SLC35F4: variants seen among roughly 807,000 people sequenced by gnomAD.
The protein encoded by SLC35F4 is chromosome 14 open reading frame 36.
Under a neutral mutation model 44.2 loss-of-function variants are expected in SLC35F4, and 24 were observed. The ratio of observed to expected loss-of-function variants is 0.54; its 90% confidence interval spans 0.39 to 0.76. SLC35F4 has a LOEUF of 0.76. Ranked by LOEUF, SLC35F4 falls within the 30% of genes least tolerant of loss-of-function variation. SLC35F4 has a pLI of 0.00. For synonymous variants in SLC35F4, 238 were observed against 223.6 expected, an observed-to-expected ratio of 1.06 and a Z score of -0.57; for missense variants, 562 against 586.1, an observed-to-expected ratio of 0.96 and a Z score of 0.42.
At chr14:57,566,453 A>G (rs748071888) in intron 7 of SLC35F4, 22 bp downstream of exon 7, 8 of 1,571,890 alleles carry the variant, frequency 5.1e-6, no homozygotes, top group Non-Finnish European at 6.9e-6. Flanking sequence ...CAGGATCTGC[A>G]CATGTCACAT....
upstream of SLC35F4, among the ~76,000 whole-genome samples, chr14:57,867,602 A>ACCT (rs1555398939): frequency 6.8e-6 from 1 of 147,996 alleles, no homozygotes; most frequent in Non-Finnish European, 1.5e-5. Flanking sequence ...ATGCCTTTAC[A>ACCT]CCCCCCCCCA....
intron 1 of SLC35F4, among the ~76,000 whole-genome samples, chr14:57,803,582 C>CTTTTTTTTT (rs532690276): frequency 2.5e-5 from 2 of 79,458 alleles, no homozygotes; most frequent in Non-Finnish European, 2.3e-5. Flanking sequence ...AAAGCTTCTT[C>CTTTTTTTTT]TTTTTTTTTT....
At chr14:57,932,837 G>C (rs77440602) in intron 1 of SLC35F4, among the ~76,000 whole-genome samples, 11,944 of 152,050 alleles carry the variant, frequency 0.079, 609 homozygotes, top group Non-Finnish European at 0.12. Flanking sequence ...ATTTAGTCAA[G>C]CTATCTATAG....
chr14:57,722,233 T>TA (rs1188713854), intron 1 of SLC35F4, among the ~76,000 whole-genome samples: 9 of 152,264 alleles, frequency 5.9e-5, no homozygotes, highest in East Asian at 1.9e-4. Context: ...CTCAGGGAGT[T>TA]AAAAAAAGCT....
At chr14:57,774,445 T>C (rs1410576915) in intron 1 of SLC35F4, among the ~76,000 whole-genome samples, 1 of 152,152 alleles carries the variant, frequency 6.6e-6, no homozygotes. Flanking sequence ...CCAGAGGGCT[T>C]AGTGTGAGAG....
rs78341497 is a variant in SLC35F4 at position 57,651,725 on chromosome 14, T to C, written c.104-57601A>G. ...AAATGTCTCTGTGAGTGAGTGTGTG[T>C]GTGTGAGCTGAGAGCTCTGTTTACC... On this transcript the variant is annotated intron_variant, in intron 1 of 7. Transcript: ENST00000556826. Among the ~76,000 whole-genome samples the C allele has an allele frequency of 5.9e-3, 904 of 152,194 alleles. 11 individuals carry two copies. The highest frequency in any genetic ancestry group is 0.021 in the African/African-American group (855 of 41,524).
chr14:57,593,942 ATCTGT>A lies in SLC35F4; in HGVS notation c.281_285del (p.Asn94IlefsTer11). ...TAAGAGGAGGTCACCCACATACCTGATCTGTTCTGTCTCTCAACTCTGTGTCCACA... is the reference window on the plus strand; with the variant it reads ...TAAGAGGAGGTCACCCACATACCTGATCTGTCTCTCAACTCTGTGTCCACA... On this transcript the variant is annotated frameshift_variant, in exon 2 of 8. Transcript: ENST00000556826. LOFTEE classifies it high-confidence loss of function. 1 of 1,613,724 alleles carries A rather than the reference ATCTGT, an allele frequency of 6.2e-7. No homozygotes were observed. Among genetic ancestry groups the A allele is most frequent in the Non-Finnish European group, 8.5e-7 (1 of 1,179,810 alleles).
intron 1 of SLC35F4, among the ~76,000 whole-genome samples, chr14:57,718,742 A>G (rs1220326475): frequency 6.6e-6 from 1 of 152,022 alleles, no homozygotes; most frequent in African/African-American, 2.4e-5. Context: ...TCTTGTTGTT[A>G]ATCCCTAGTC....
At chr14:57,789,359 C>A (rs2077852382) in intron 1 of SLC35F4, among the ~76,000 whole-genome samples, 1 of 151,958 alleles carries the variant, frequency 6.6e-6, no homozygotes, top group Non-Finnish European at 1.5e-5. Flanking sequence ...CAGAGAATAC[C>A]ATAAACACTT....
intron 1 of SLC35F4, among the ~76,000 whole-genome samples, chr14:57,962,230 G>A (rs1457260925): frequency 6.6e-6 from 1 of 152,138 alleles, no homozygotes; most frequent in East Asian, 1.9e-4. Context: ...ACTATACAGT[G>A]AGAAGAAAAG....
At position 57,926,693 on chromosome 14, in the gene SLC35F4, T is replaced by C. The variant is rs962744085; in HGVS notation, n.282+55220A>G. Among the ~76,000 whole-genome samples, 5 of 140,624 alleles carry C rather than the reference T, an allele frequency of 3.6e-5. No individual in the cohort carries two copies. In the Admixed American group the frequency reaches 3.6e-4, roughly 10 times the overall value. The allele number at this position is 140,624 out of a possible 152,430, so 92.3% of individuals were successfully genotyped here. A position where few individuals can be genotyped will look rare whatever the true frequency, so the allele number is the denominator to read the frequency against. ...GGGGAAGATATCTTTACCATTCCTT[T>C]TATAAAAAGGAATATAACAATGAAG... On this transcript the variant is annotated intron_variant and non_coding_transcript_variant, in intron 1 of 1. Coordinates refer to the SLC35F4 transcript ENST00000556568.
chr14:57,905,868 A>C (rs1889095531), intron 1 of SLC35F4, among the ~76,000 whole-genome samples: 1 of 152,182 alleles, frequency 6.6e-6, no homozygotes, highest in South Asian at 2.1e-4. Context: ...AAAATGGAAG[A>C]ACAGGGGAAA....
At chr14:57,653,932 A>G (rs1371705026) in intron 1 of SLC35F4, among the ~76,000 whole-genome samples, 1 of 152,184 alleles carries the variant, frequency 6.6e-6, no homozygotes, top group Non-Finnish European at 1.5e-5. Flanking sequence ...GGAAGAATCT[A>G]TTCCATGCTG....
intron 1 of SLC35F4, among the ~76,000 whole-genome samples, chr14:57,770,536 G>A (rs1454375800): frequency 6.6e-6 from 1 of 152,112 alleles, no homozygotes; most frequent in Non-Finnish European, 1.5e-5. Context: ...AGCATTGTGA[G>A]GAGTGGAAAA....
In SLC35F4 at chr14:57,566,548, C is replaced by T; in HGVS notation, c.1143G>A (p.Val381=). The part of the protein sequence containing the change: ...AGLWLAFNIL[V]NVGVVLTYPI... The stretch of plus-strand genomic sequence containing the variant: ...GGTATGTCAGCACCACCCCAACATT[C>T]ACCAGGATGTTGAAGGCTGTAAAAT... Residue 381 remains valine, a synonymous_variant, in exon 7 of 8, where the codon GTG becomes GTA. Transcript: ENST00000556826. 6.2e-7 allele frequency: 1 copy of T among 1,600,682 alleles called. No individual in the cohort carries two copies. Among genetic ancestry groups the T allele is most frequent in the Non-Finnish European group, 8.5e-7 (1 of 1,173,616 alleles).
chr14:57,760,409 C>A (rs917091881), intron 1 of SLC35F4, among the ~76,000 whole-genome samples: 1 of 152,114 alleles, frequency 6.6e-6, no homozygotes, highest in Non-Finnish European at 1.5e-5. Flanking sequence ...TATGCCAATA[C>A]CATACTGTTT....
intron 1 of SLC35F4, among the ~76,000 whole-genome samples, chr14:57,847,778 G>A (rs1044701764): frequency 6.6e-6 from 1 of 152,132 alleles, no homozygotes; most frequent in Non-Finnish European, 1.5e-5. Flanking sequence ...GCTTCTCACT[G>A]AGAGAAAATA....
chr14:57,621,110 GGGA>G (rs2072154475), intron 1 of SLC35F4, among the ~76,000 whole-genome samples: 1 of 151,616 alleles, frequency 6.6e-6, no homozygotes, highest in Non-Finnish European at 1.5e-5. Flanking sequence ...CACCTTACAA[GGGA>G]TGTGAAGGAC....
At chr14:57,611,682 A>G (rs953278308) in intron 1 of SLC35F4, among the ~76,000 whole-genome samples, 1 of 152,188 alleles carries the variant, frequency 6.6e-6, no homozygotes, top group Admixed American at 6.5e-5. Context: ...CCCATTGGCT[A>G]TGGCAATAAG....
Sources: allele counts gnomAD v4.1 joint callset (sites outside exome capture counted in the v4.1 genomes callset), GRCh38; gene constraint gnomAD v4.1.1; transcripts MANE v1.5; gene names NCBI Gene and HGNC (gene_info 2026-07-23, HGNC 2026-07-21).